RGS7: variants seen among roughly 807,000 people sequenced by gnomAD.
The protein encoded by RGS7 is regulator of G-protein signaling 7.
RGS7 carries 27 observed loss-of-function variants against 81.1 expected under a neutral mutation model. The ratio of observed to expected loss-of-function variants is 0.33; its 90% CI spans 0.25 to 0.46. The LOEUF (loss-of-function observed/expected upper bound fraction) is 0.46, where lower values mean the gene tolerates loss of function less well. RGS7 is among the 20% of genes least tolerant of loss of function. RGS7 has a pLI of 1.00. For missense variants in RGS7, 396 were observed against 607.4 expected (o/e 0.65, Z 3.66); for synonymous variants, 208 against 207.7 (o/e 1.00, Z -0.01).
At chr1:241,177,981 T>C (rs1391467672) in intron 2 of RGS7, among the ~76,000 whole-genome samples, 2 of 152,114 alleles carry the variant, frequency 1.3e-5, no homozygotes, top group African/African-American at 4.8e-5. Flanking sequence ...GGTAGTTGGA[T>C]ACATAAGTCA....
chr1:241,299,184 G>A (rs570842631), intron 2 of RGS7, among the ~76,000 whole-genome samples: 6 of 152,264 alleles, frequency 3.9e-5, no homozygotes, highest in Admixed American at 3.9e-4. Context: ...CAGGGCTAAC[G>A]AATCTGAGCC....
chr1:240,802,214 T>A (rs1208470098), intron 16 of RGS7, among the ~76,000 whole-genome samples: 4 of 152,194 alleles, frequency 2.6e-5, no homozygotes, highest in Non-Finnish European at 5.9e-5. Flanking sequence ...TGAACTATTT[T>A]AACATTAAAA....
intron 2 of RGS7, among the ~76,000 whole-genome samples, 168 bp downstream of exon 2, chr1:241,355,531 T>G (rs1400784351): frequency 6.6e-6 from 1 of 152,162 alleles, no homozygotes; most frequent in Non-Finnish European, 1.5e-5. Context: ...TCCCCACATA[T>G]GCATCATTTG....
At chr1:241,349,387 C>T (rs534501899) in intron 2 of RGS7, among the ~76,000 whole-genome samples, 142 of 152,298 alleles carry the variant, frequency 9.3e-4, no homozygotes, top group African/African-American at 3.2e-3. Context: ...CACAAAACTG[C>T]CATTTCCTAT....
At chr1:241,152,781 G>C (rs565955717) in intron 2 of RGS7, among the ~76,000 whole-genome samples, 3 of 152,324 alleles carry the variant, frequency 2.0e-5, no homozygotes, top group East Asian at 3.9e-4. Flanking sequence ...ATGGTGGCCA[G>C]CAACGTTCCA....
At chr1:241,040,895 A>C (rs2148766583) in intron 3 of RGS7, among the ~76,000 whole-genome samples, 1 of 152,298 alleles carries the variant, frequency 6.6e-6, no homozygotes, top group Admixed American at 6.5e-5. Context: ...TAACCAACAG[A>C]ATGTATTACT....
intron 13 of RGS7, among the ~76,000 whole-genome samples, chr1:240,813,394 C>T (rs1228846796): frequency 1.3e-5 from 2 of 152,028 alleles, no homozygotes; most frequent in Admixed American, 6.5e-5. Flanking sequence ...AATTTTGGGA[C>T]GGTCTTTCCA....
intron 2 of RGS7, among the ~76,000 whole-genome samples, chr1:241,105,284 A>G (rs889031058): frequency 6.6e-6 from 1 of 152,166 alleles, no homozygotes; most frequent in African/African-American, 2.4e-5. Flanking sequence ...TTGCTTGTAG[A>G]TGTGACACTC....
At chr1:240,975,629 G>A (rs1292492075) in intron 4 of RGS7, among the ~76,000 whole-genome samples, 1 of 152,170 alleles carries the variant, frequency 6.6e-6, no homozygotes, top group Non-Finnish European at 1.5e-5. Context: ...AGGAATTACT[G>A]ATATCTGTCA....
chr1:240,926,180 C>T (rs1674406105), intron 6 of RGS7, among the ~76,000 whole-genome samples: 1 of 152,118 alleles, frequency 6.6e-6, no homozygotes, highest in South Asian at 2.1e-4. Context: ...GTTTCTCTTG[C>T]AATTGCTTTT....
chr1:241,040,099 T>G (rs1401527786), intron 3 of RGS7, among the ~76,000 whole-genome samples: 1 of 152,212 alleles, frequency 6.6e-6, no homozygotes, highest in African/African-American at 2.4e-5. Context: ...ATGGACTCTT[T>G]AAGACAGTTT....
At chr1:240,793,611 A>ATATATATATATATATATATATTTTTT in intron 18 of RGS7, among the ~76,000 whole-genome samples, 23 of 78,760 alleles carry the variant, frequency 2.9e-4, no homozygotes, top group African/African-American at 4.9e-4. Flanking sequence ...ATATATATAT[A>ATATATATATATATATATATATTTTTT]TTTTTTTTTT....
chr1:240,950,079 A>G (rs1264638495), intron 4 of RGS7, among the ~76,000 whole-genome samples: 1 of 152,170 alleles, frequency 6.6e-6, no homozygotes, highest in Non-Finnish European at 1.5e-5. Context: ...TACTTGGAGC[A>G]GAAGCTTTTG....
intron 10 of RGS7, among the ~76,000 whole-genome samples, chr1:240,817,749 C>T (rs1289061269): frequency 1.3e-5 from 2 of 152,116 alleles, no homozygotes; most frequent in East Asian, 1.9e-4. Context: ...ATTACAGGCA[C>T]GTGCCACCAC....
intron 6 of RGS7, among the ~76,000 whole-genome samples, chr1:240,883,406 C>T (rs261834): frequency 0.018 from 2,708 of 152,306 alleles, 73 homozygotes; most frequent in African/African-American, 0.062. Flanking sequence ...GCTTTTCTCA[C>T]GTTCATGCGT....
At position 240,976,014 on chromosome 1, in the gene RGS7, G is replaced by A. The variant is rs570403572; in HGVS notation, c.226+7065C>T. Among the ~76,000 whole-genome samples the A allele has an allele frequency of 2.6e-5, 4 of 152,370 alleles. No individual in the cohort carries two copies. The South Asian group carries it at 8.3e-4, about 32-fold the overall frequency. The stretch of plus-strand genomic sequence containing the variant: ...TGTGACACAAACAGAAACTCACGTT[G>A]TGCTTGTAACCCTGAGAATACCATT... On this transcript the variant is annotated intron_variant, in intron 4 of 18. Coordinates refer to ENST00000440928, the MANE Select transcript of RGS7 (RefSeq NM_001364886.1).
chr1:241,123,390 T>A (rs1013305117), intron 2 of RGS7, among the ~76,000 whole-genome samples: 22 of 152,174 alleles, frequency 1.4e-4, no homozygotes, highest in African/African-American at 5.3e-4. Context: ...ACCATTCTAA[T>A]TATGACCCAC....
chr1:241,153,407 T>A (rs1157547858), intron 2 of RGS7, among the ~76,000 whole-genome samples: 2 of 152,078 alleles, frequency 1.3e-5, no homozygotes, highest in Non-Finnish European at 2.9e-5. Flanking sequence ...TATGAGGCGC[T>A]GAACAATTTG....
At chr1:241,020,767 T>C (rs1190099499) in intron 3 of RGS7, among the ~76,000 whole-genome samples, 1 of 151,968 alleles carries the variant, frequency 6.6e-6, no homozygotes, top group Non-Finnish European at 1.5e-5. Context: ...GAATAGAGAG[T>C]AGTGTTTTAA....
Sources: allele counts gnomAD v4.1 joint callset (sites outside exome capture counted in the v4.1 genomes callset), GRCh38; gene constraint gnomAD v4.1.1; transcripts MANE v1.5; gene names NCBI Gene and HGNC (gene_info 2026-07-23, HGNC 2026-07-21).